Variants in FBXO11 observed in about 807,000 individuals in gnomAD.
The protein encoded by FBXO11 is F-box protein 11.
FBXO11 carries 13 observed loss-of-function variants against 117.0 expected under a neutral mutation model. The ratio of observed to expected loss-of-function variants is 0.11; its 90% confidence interval spans 0.07 to 0.18. The LOEUF is 0.18. FBXO11 is among the 10% of genes least tolerant of loss of function. FBXO11 has a pLI of 1.00. For missense variants in FBXO11, 767 were observed against 1,164.4 expected (o/e 0.66, Z 4.97); for synonymous variants, 490 against 380.5 (o/e 1.29, Z -3.35).
At chr2:47,886,014 T>C (rs549974141) in intron 1 of FBXO11, among the ~76,000 whole-genome samples, 83 of 132,662 alleles carry the variant, frequency 6.3e-4, no homozygotes, top group South Asian at 1.7e-3. Context: ...CTTAACCTCA[T>C]GCATTAATGA....
At chr2:47,810,466 T>G in intron 18 of FBXO11, 40 bp from the exon 19 acceptor site, 1 of 1,281,832 alleles carries the variant, frequency 7.8e-7, no homozygotes, top group Middle Eastern at 2.2e-4. Context: ...CTAATGCATA[T>G]AACAGACTAC....
chr2:47,902,258 A>G (rs997417866), intron 1 of FBXO11, among the ~76,000 whole-genome samples: 1 of 152,214 alleles, frequency 6.6e-6, no homozygotes, highest in Non-Finnish European at 1.5e-5. Flanking sequence ...CTACTAGTAC[A>G]TGAAATCCCA....
chr2:47,872,431 T>A (rs368845163), intron 1 of FBXO11, among the ~76,000 whole-genome samples: 1 of 152,158 alleles, frequency 6.6e-6, no homozygotes, highest in Non-Finnish European at 1.5e-5. Context: ...TTCAAGCAAT[T>A]CTCTGCCTCA....
chr2:47,810,895 GTTAACTGCAACTC>G (rs1224974568), intron 18 of FBXO11: 1 of 152,464 alleles, frequency 6.6e-6, no homozygotes, highest in Admixed American at 6.5e-5. Context: ...TTTCCAATCA[GTTAACTGCAACTC>G]TTATCATGCC....
intron 1 of FBXO11, among the ~76,000 whole-genome samples, chr2:47,860,658 C>T (rs555215915): frequency 2.4e-4 from 36 of 151,752 alleles, no homozygotes; most frequent in African/African-American, 7.0e-4. Context: ...CCACCTGCCT[C>T]GGCCTCCCAA....
intron 1 of FBXO11, among the ~76,000 whole-genome samples, chr2:47,866,602 T>C (rs1675217845): frequency 6.6e-6 from 1 of 151,594 alleles, no homozygotes; most frequent in African/African-American, 2.4e-5. Context: ...GCCTCCCGAG[T>C]AGCTAGGATT....
At chr2:47,862,814 G>A (rs530909422) in intron 1 of FBXO11, among the ~76,000 whole-genome samples, 14 of 152,048 alleles carry the variant, frequency 9.2e-5, no homozygotes, top group African/African-American at 2.7e-4. Context: ...CAGCACTTTC[G>A]GAGGCTGAGG....
intron 1 of FBXO11, among the ~76,000 whole-genome samples, chr2:47,865,010 TA>T (rs1293717491): frequency 6.6e-6 from 1 of 152,206 alleles, no homozygotes; most frequent in Admixed American, 6.5e-5. Flanking sequence ...ATTTATAGAG[TA>T]AAATTTTCTT....
intron 21 of FBXO11, chr2:47,808,814 AC>A (rs1670407962): frequency 3.9e-6 from 1 of 258,912 alleles, no homozygotes; most frequent in South Asian, 9.3e-5. Context: ...AACATGAGTT[AC>A]ATGAATGACA....
At chr2:47,847,887 G>C (rs181998447) in intron 1 of FBXO11, among the ~76,000 whole-genome samples, 1 of 152,190 alleles carries the variant, frequency 6.6e-6, no homozygotes, top group East Asian at 1.9e-4. Context: ...CACTTTGGGA[G>C]GCTGAGGCGG....
At chr2:47,882,419 G>C (rs776979357) in intron 1 of FBXO11, among the ~76,000 whole-genome samples, 1 of 151,762 alleles carries the variant, frequency 6.6e-6, no homozygotes, top group Non-Finnish European at 1.5e-5. Flanking sequence ...CTTTCAATAC[G>C]TAAGTTTCAT....
In FBXO11 at chr2:47,829,342, G is replaced by C. The variant is rs137920420; in HGVS notation, c.1398+3007C>G. On this transcript the variant is annotated intron_variant, in intron 11 of 22. Coordinates refer to ENST00000403359, the MANE Select transcript of FBXO11 (RefSeq NM_001190274.2). ...TGCAACCTCTGCCTCCTGGATTCAAGCGATTCTCTTGCCTTAGCCTCTCGA... is the reference window on the plus strand; with the variant it reads ...TGCAACCTCTGCCTCCTGGATTCAACCGATTCTCTTGCCTTAGCCTCTCGA... Among the ~76,000 whole-genome samples, 906 of 152,220 alleles carry C rather than the reference G, an allele frequency of 6.0e-3. 6 individuals carry two copies. Among genetic ancestry groups the C allele is most frequent in the Middle Eastern group, 0.037 (11 of 294 alleles).
chr2:47,858,673 C>G (rs1454238938), intron 1 of FBXO11, among the ~76,000 whole-genome samples: 1 of 125,008 alleles, frequency 8.0e-6, no homozygotes, highest in African/African-American at 3.2e-5. Context: ...CAGAGTGAGA[C>G]TCTGCCTCAA....
At chr2:47,876,555 C>T (rs1375409334) in intron 1 of FBXO11, among the ~76,000 whole-genome samples, 3 of 152,186 alleles carry the variant, frequency 2.0e-5, no homozygotes, top group Non-Finnish European at 2.9e-5. Flanking sequence ...ATTCCTTATA[C>T]ATTCGGAGGA....
In FBXO11 at chr2:47,863,404, AC is replaced by A. The variant is rs1558453342; in HGVS notation, c.233-23636del. The stretch of plus-strand genomic sequence containing the variant: ...ACAAGTGCTCTTAAACAGCTCGTTT[AC>A]ATGGCTCTGAAACAACACAGCTAAA... On this transcript the variant is annotated intron_variant, in intron 1 of 22. Coordinates refer to ENST00000403359, the MANE Select transcript of FBXO11 (RefSeq NM_001190274.2). Among the ~76,000 whole-genome samples the A allele has an allele frequency of 8.9e-3, 1,351 of 152,368 alleles. 6 individuals are homozygous for A. The highest frequency in any genetic ancestry group is 0.031 in the African/African-American group (1,277 of 41,584).
At position 47,905,349 on chromosome 2, in the gene FBXO11, G is replaced by A. The variant is rs538885137; in HGVS notation, c.232+140C>T. ...GCCCGGGCTGACACTGCGGCACCGG[G>A]GGACCCGCCTCCGCTCAGCTTGGGT... On this transcript the variant is annotated intron_variant, in intron 1 of 22. Transcript: ENST00000403359. 9.8e-5 allele frequency: 89 copies of A among 908,228 alleles called. No individual in the cohort carries two copies. In the African/African-American group the frequency reaches 1.2e-3, roughly 13 times the overall value. 56.3% of individuals were successfully genotyped at this position (908,228 alleles called of 1,614,324 possible).
intron 1 of FBXO11, among the ~76,000 whole-genome samples, chr2:47,900,669 TATATACACACGTATACACACACGTATAC>T (rs1678104457): frequency 3.9e-5 from 2 of 50,792 alleles, no homozygotes; most frequent in African/African-American, 1.4e-4. Flanking sequence ...CACACGTACG[TATATACACACGTATACACACACGTATAC>T]ACACACGTGT....
At chr2:47,867,241 G>T (rs888815982) in intron 1 of FBXO11, among the ~76,000 whole-genome samples, 1 of 152,184 alleles carries the variant, frequency 6.6e-6, no homozygotes, top group African/African-American at 2.4e-5. Flanking sequence ...TTTATTTGTT[G>T]TTCACTTTAC....
At chr2:47,900,483 T>C (rs973646425) in intron 1 of FBXO11, among the ~76,000 whole-genome samples, 27 of 151,588 alleles carry the variant, frequency 1.8e-4, no homozygotes, top group Non-Finnish European at 3.4e-4. Flanking sequence ...GCAAGGAGTG[T>C]CTCCTGGCTG....
Sources: allele counts gnomAD v4.1 joint callset (sites outside exome capture counted in the v4.1 genomes callset), GRCh38; gene constraint gnomAD v4.1.1; transcripts MANE v1.5; gene names NCBI Gene and HGNC (gene_info 2026-07-23, HGNC 2026-07-21).